The following PAX7 variants were observed in gnomAD, a reference collection of about 807,000 sequenced individuals.
PAX7 encodes the protein paired box 7.
PAX7 carries 18 observed loss-of-function variants against 50.7 expected under a neutral mutation model. The ratio of observed to expected loss-of-function variants is 0.36; its 90% confidence interval spans 0.25 to 0.53. The LOEUF (loss-of-function observed/expected upper bound fraction) is 0.53, where lower values mean the gene tolerates loss of function less well. Ranked by LOEUF, PAX7 falls within the 20% of genes least tolerant of loss-of-function variation. The probability of loss-of-function intolerance (pLI) is 0.93; values close to 1 mark genes in which losing one functional copy is unlikely to be tolerated. For missense variants in PAX7, 644 were observed against 702.9 expected (o/e 0.92, Z 0.95); for synonymous variants, 310 against 290.4 (o/e 1.07, Z -0.69).
At chr1:18,701,420 G>T (rs1384963922) in intron 6 of PAX7, among the ~76,000 whole-genome samples, 2 of 151,976 alleles carry the variant, frequency 1.3e-5, no homozygotes, top group African/African-American at 4.8e-5. Context: ...GTATGAGTGA[G>T]TGAATGAGTG....
chr1:18,711,400 G>A (rs1206253448), intron 7 of PAX7, among the ~76,000 whole-genome samples: 1 of 152,116 alleles, frequency 6.6e-6, no homozygotes, highest in Non-Finnish European at 1.5e-5. Context: ...CTCCACCTCT[G>A]CCTCACTGCC....
chr1:18,639,002 T>C (rs2088205568), intron 4 of PAX7, among the ~76,000 whole-genome samples: 1 of 152,162 alleles, frequency 6.6e-6, no homozygotes, highest in Admixed American at 6.5e-5. Context: ...TCTTGAAAAA[T>C]GCTTTCTCTG....
chr1:18,704,046 A>C (rs551852980), intron 7 of PAX7, among the ~76,000 whole-genome samples: 1 of 152,336 alleles, frequency 6.6e-6, no homozygotes, highest in Non-Finnish European at 1.5e-5. Flanking sequence ...TCAATATGCT[A>C]ACAGGTCAGA....
intron 4 of PAX7, among the ~76,000 whole-genome samples, chr1:18,678,760 G>A (rs2088857572): frequency 6.6e-6 from 1 of 151,592 alleles, no homozygotes; most frequent in South Asian, 2.1e-4. Context: ...GAGGATGGTG[G>A]GGTTAGACAA....
At chr1:18,736,069 C>T (rs1228176926) in intron 8 of PAX7, 191 bp downstream of exon 8, 3 of 1,058,836 alleles carry the variant, frequency 2.8e-6, no homozygotes. Flanking sequence ...AAACCCAGGA[C>T]ATCTCCTGGC....
At chr1:18,645,115 T>C (rs980108724) in intron 4 of PAX7, among the ~76,000 whole-genome samples, 2 of 152,192 alleles carry the variant, frequency 1.3e-5, no homozygotes, top group African/African-American at 2.4e-5. Context: ...GTCTGGGTGT[T>C]TGTGAATGGT....
chr1:18,748,113 G>A lies in PAX7; in HGVS notation c.*3184G>A, dbSNP rs918672526. ...GGGCAGAGCAAACAGAGAACTAGGG[G>A]GATAAGAGAGAAGAAAAGAAGAATG... On this transcript the variant is annotated 3_prime_UTR_variant, in exon 9 of 9. Transcript: ENST00000420770. 1 of 216,408 alleles carries A rather than the reference G, an allele frequency of 4.6e-6. No individual in the cohort carries two copies. Among genetic ancestry groups the A allele is most frequent in the African/African-American group, 2.3e-5 (1 of 44,400 alleles). 13.4% of individuals were successfully genotyped at this position (216,408 alleles called of 1,614,324 possible). A position where few individuals can be genotyped will look rare whatever the true frequency, so the allele number is the denominator to read the frequency against.
Position 18,703,270 on chromosome 1 carries a change from C to A in PAX7, c.1129C>A (p.Pro377Thr). ...NPAAPSNHMN[P>T]VSNGLSPQVM... ...GGCGGCGCCCTCCAACCACATGAAC[C>A]CGGTCAGCAACGGCCTGTCTCCTCA... The change falls in exon 7 of 9, where the codon CCG becomes ACG. Residue 377 changes from proline to threonine, a missense_variant. Coordinates refer to ENST00000420770, the MANE Select transcript of PAX7 (RefSeq NM_001135254.2). 6.2e-7 allele frequency: 1 copy of A among 1,614,172 alleles called. No individual in the cohort carries two copies. The highest frequency in any genetic ancestry group is 8.5e-7 in the Non-Finnish European group (1 of 1,180,026).
intron 4 of PAX7, among the ~76,000 whole-genome samples, chr1:18,655,466 G>T (rs954770075): frequency 6.6e-6 from 1 of 152,230 alleles, no homozygotes; most frequent in Non-Finnish European, 1.5e-5. Context: ...AGGATGAAGA[G>T]ATGGGCTTCA....
intron 7 of PAX7, among the ~76,000 whole-genome samples, chr1:18,733,014 G>A (rs897914965): frequency 6.6e-6 from 1 of 152,230 alleles, no homozygotes; most frequent in Non-Finnish European, 1.5e-5. Context: ...TATTCTTGGA[G>A]TCCAGGCCTC....
chr1:18,646,069 TCTC>T (rs1181210588), intron 4 of PAX7, among the ~76,000 whole-genome samples: 1 of 152,182 alleles, frequency 6.6e-6, no homozygotes, highest in East Asian at 1.9e-4. Context: ...CATCCTCCAT[TCTC>T]CTCCCTCCCG....
In PAX7 at chr1:18,703,123, C is replaced by T. The variant is rs2089242434; in HGVS notation, c.982C>T (p.Pro328Ser). 2 of 1,613,856 alleles carry T rather than the reference C, an allele frequency of 1.2e-6. No individual in the cohort carries two copies. Among genetic ancestry groups the T allele is most frequent in the Admixed American group, 1.7e-5 (1 of 60,004 alleles). Reference protein sequence around the residue: ...DGGSTVHRPQPLPPSTMHQGG... With the variant: ...DGGSTVHRPQSLPPSTMHQGG... ...GGGCAGCACTGTGCACCGGCCTCAG[C>T]CCCTGCCACCGTCCACCATGCACCA... is the stretch of plus-strand genomic sequence containing the variant. Residue 328 changes from proline to serine, a missense_variant, in exon 7 of 9, where the codon CCC (proline) becomes TCC (serine). Transcript: ENST00000420770.
intron 4 of PAX7, among the ~76,000 whole-genome samples, chr1:18,649,088 TC>T (rs1447593146): frequency 6.6e-6 from 1 of 152,118 alleles, no homozygotes; most frequent in Non-Finnish European, 1.5e-5. Flanking sequence ...GGAGTCAGAC[TC>T]AAACAGGCCT....
intron 8 of PAX7, among the ~76,000 whole-genome samples, chr1:18,741,567 G>T (rs905766428): frequency 2.6e-5 from 4 of 152,262 alleles, no homozygotes; most frequent in African/African-American, 9.6e-5. Flanking sequence ...CAAAACATCA[G>T]AGGTACCCCC....
intron 7 of PAX7, among the ~76,000 whole-genome samples, chr1:18,707,284 C>G (rs1308643935): frequency 6.6e-6 from 1 of 152,050 alleles, no homozygotes; most frequent in African/African-American, 2.4e-5. Context: ...TTTCTGGAGC[C>G]CTTCTGACTT....
intron 4 of PAX7, among the ~76,000 whole-genome samples, chr1:18,666,641 G>T (rs1405864448): frequency 1.3e-5 from 2 of 152,188 alleles, no homozygotes; most frequent in African/African-American, 4.8e-5. Flanking sequence ...GGGTTGATGG[G>T]GCCTGGAGGG....
intron 4 of PAX7, among the ~76,000 whole-genome samples, chr1:18,682,481 AGT>A (rs1466411337): frequency 6.6e-6 from 1 of 152,190 alleles, no homozygotes; most frequent in Admixed American, 6.5e-5. Flanking sequence ...AGAAGCAAGA[AGT>A]GTTCTCCCTG....
intron 4 of PAX7, among the ~76,000 whole-genome samples, chr1:18,682,998 G>A (rs1298863548): frequency 6.6e-6 from 1 of 152,182 alleles, no homozygotes; most frequent in Non-Finnish European, 1.5e-5. Context: ...TGCTCACCAG[G>A]ACAGGGGAGT....
intron 4 of PAX7, among the ~76,000 whole-genome samples, chr1:18,641,006 G>C (rs145088670): frequency 1.9e-3 from 288 of 152,364 alleles, no homozygotes; most frequent in Non-Finnish European, 2.7e-3. Context: ...AGAAGAGAGA[G>C]GGGGAGGCGG....
Sources: allele counts gnomAD v4.1 joint callset (sites outside exome capture counted in the v4.1 genomes callset), GRCh38; gene constraint gnomAD v4.1.1; transcripts MANE v1.5; gene names NCBI Gene and HGNC (gene_info 2026-07-23, HGNC 2026-07-21).